The following STARD13 variants were observed in gnomAD, a reference collection of about 807,000 sequenced individuals.
STARD13 encodes stAR-related lipid transfer protein 13.
In STARD13, 62 loss-of-function variants were observed where a neutral mutation model predicts 106.4. The observed-to-expected ratio is 0.58, with a 90% CI of 0.48 to 0.72. The LOEUF is 0.72. Among genes scored for constraint, STARD13 ranks in the 30% least tolerant of loss-of-function variants. STARD13 has a pLI of 0.00. For missense variants in STARD13, 1,387 were observed against 1,424.0 expected (o/e 0.97, Z 0.42); for synonymous variants, 565 against 553.0 (o/e 1.02, Z -0.31).
chr13:33,577,747 A>G, the STARD13 span, among the ~76,000 whole-genome samples: 8 of 152,180 alleles, frequency 5.3e-5, no homozygotes, highest in Non-Finnish European at 8.8e-5. Flanking sequence ...GGAAAATGCA[A>G]AACCATAAAA....
the STARD13 span, among the ~76,000 whole-genome samples, chr13:33,666,791 C>T: frequency 2.6e-5 from 4 of 151,986 alleles, no homozygotes; most frequent in African/African-American, 9.7e-5. Context: ...AGGGTTTCAC[C>T]ATGTTGGCCA....
chr13:33,642,198 G>C, the STARD13 span, among the ~76,000 whole-genome samples: 1 of 152,292 alleles, frequency 6.6e-6, no homozygotes, highest in Non-Finnish European at 1.5e-5. Context: ...AGGAGAAAAG[G>C]ATAACAGTCT....
At chr13:33,479,002 C>T in the STARD13 span, among the ~76,000 whole-genome samples, 2 of 151,964 alleles carry the variant, frequency 1.3e-5, no homozygotes, top group African/African-American at 4.8e-5. Flanking sequence ...AAATTAATAT[C>T]CTAATATATA....
chr13:33,108,640 G>A (rs955100165), intron 12 of STARD13, among the ~76,000 whole-genome samples: 2 of 152,204 alleles, frequency 1.3e-5, no homozygotes, highest in Non-Finnish European at 2.9e-5. Flanking sequence ...CTGGCACGTG[G>A]TCGTGATGGA....
chr13:33,619,878 C>G, the STARD13 span, among the ~76,000 whole-genome samples: 1 of 152,252 alleles, frequency 6.6e-6, no homozygotes, highest in South Asian at 2.1e-4. Context: ...GCCTGGCCGA[C>G]ATGGTGAAAC....
At chr13:33,523,668 G>C in the STARD13 span, among the ~76,000 whole-genome samples, 1 of 152,014 alleles carries the variant, frequency 6.6e-6, no homozygotes, top group Non-Finnish European at 1.5e-5. Flanking sequence ...CTATAGAAAA[G>C]GTTGGTCAAT....
At chr13:33,309,026 T>C (rs1893032702) in intron 1 of STARD13, among the ~76,000 whole-genome samples, 1 of 152,228 alleles carries the variant, frequency 6.6e-6, no homozygotes, top group South Asian at 2.1e-4. Flanking sequence ...TAAACTACAT[T>C]ATTCTGTGAT....
chr13:33,105,036 G>A lies in STARD13; in HGVS notation c.*557C>T, dbSNP rs1237553555. The stretch of plus-strand genomic sequence containing the variant: ...CCTTTGGTTAACTCATCTTTGGTTA[G>A]GCATCAGGGCATGTTCACACCTTGG... On this transcript the variant is annotated 3_prime_UTR_variant, in exon 14 of 14. Coordinates refer to ENST00000336934, the MANE Select transcript of STARD13 (RefSeq NM_178006.4). 1.3e-5 allele frequency: 2 copies of A among 152,642 alleles called. No individual in the cohort carries two copies. The highest frequency in any genetic ancestry group is 2.9e-5 in the Non-Finnish European group (2 of 68,060). The allele number at this position is 152,642 out of a possible 1,614,324, so 9.5% of individuals were successfully genotyped here. A position where few individuals can be genotyped will look rare whatever the true frequency, so the allele number is the denominator to read the frequency against.
At chr13:33,240,417 T>TA (rs955181426) in intron 1 of STARD13, among the ~76,000 whole-genome samples, 5 of 152,078 alleles carry the variant, frequency 3.3e-5, no homozygotes, top group Admixed American at 6.5e-5. Flanking sequence ...TTCTGCAAAA[T>TA]AAAAAAATCC....
At chr13:33,274,507 C>T (rs73458289) in intron 1 of STARD13, among the ~76,000 whole-genome samples, 3,084 of 152,244 alleles carry the variant, frequency 0.02, 91 homozygotes, top group East Asian at 0.063. Flanking sequence ...ATTACTGCAG[C>T]CCCAGCAAAC....
At chr13:33,584,296 C>G in the STARD13 span, among the ~76,000 whole-genome samples, 1 of 152,146 alleles carries the variant, frequency 6.6e-6, no homozygotes, top group Non-Finnish European at 1.5e-5. Context: ...ATGCTGGAAT[C>G]TACTTGGCTT....
intron 1 of STARD13, among the ~76,000 whole-genome samples, chr13:33,270,193 G>A (rs1020541837): frequency 1.1e-4 from 17 of 152,128 alleles, no homozygotes; most frequent in East Asian, 7.7e-4. Context: ...CTGAGATCAC[G>A]CCATTGCACT....
At chr13:33,314,848 A>G (rs1893269000) in intron 1 of STARD13, among the ~76,000 whole-genome samples, 1 of 152,174 alleles carries the variant, frequency 6.6e-6, no homozygotes, top group Non-Finnish European at 1.5e-5. Flanking sequence ...AGTTCTTAAG[A>G]CTGGAAGTGA....
Position 33,127,390 on chromosome 13 carries a change from G to A in STARD13, c.1905C>T (p.Asn635=). 6.2e-7 allele frequency: 1 copy of A among 1,600,832 alleles called. No homozygotes were observed. The highest frequency in any genetic ancestry group is 1.3e-5 in the African/African-American group (1 of 74,514). The change falls in exon 6 of 14, where the codon AAC becomes AAT. Residue 635 remains asparagine (N), a synonymous_variant. Coordinates refer to ENST00000336934, the MANE Select transcript of STARD13 (RefSeq NM_178006.4). ...CTACGCACCATGTCCAGCCGTGCTTGTTGGACATGGAGTGCTTCTCCATGA... is the reference window on the plus strand; with the variant it reads ...CTACGCACCATGTCCAGCCGTGCTTATTGGACATGGAGTGCTTCTCCATGA... ...TAIMEKHSMS[N]KHGWTWSVPK... is the part of the protein sequence containing the mutation.
intron 1 of STARD13, among the ~76,000 whole-genome samples, chr13:33,221,637 C>A (rs752398129): frequency 5.9e-5 from 9 of 152,196 alleles, no homozygotes; most frequent in Non-Finnish European, 1.3e-4. Flanking sequence ...CCATGCAGGA[C>A]TGGCTATAAG....
chr13:33,609,974 A>G, the STARD13 span, among the ~76,000 whole-genome samples: 8 of 152,300 alleles, frequency 5.3e-5, no homozygotes, highest in South Asian at 2.1e-4. Context: ...AAAAGTGGGG[A>G]AAAAAGTCAT....
At chr13:33,160,429 T>C (rs1882487231) in intron 3 of STARD13, among the ~76,000 whole-genome samples, 1 of 152,062 alleles carries the variant, frequency 6.6e-6, no homozygotes, top group African/African-American at 2.4e-5. Context: ...TAAATAAAAA[T>C]AGGTAAAACT....
chr13:33,285,901 C>T, upstream of STARD13: 3 of 559,984 alleles, frequency 5.4e-6, no homozygotes. Flanking sequence ...GTTCCAGCCG[C>T]CAGGGTCCCT....
intron 1 of STARD13, among the ~76,000 whole-genome samples, chr13:33,270,711 T>C (rs1261726603): frequency 3.9e-5 from 6 of 152,288 alleles, no homozygotes; most frequent in Admixed American, 1.3e-4. Flanking sequence ...AGTGTTCTAC[T>C]TAAGGCTCAT....
Sources: allele counts gnomAD v4.1 joint callset (sites outside exome capture counted in the v4.1 genomes callset), GRCh38; gene constraint gnomAD v4.1.1; transcripts MANE v1.5; gene names NCBI Gene and HGNC (gene_info 2026-07-23, HGNC 2026-07-21).